The following TTC28 variants were observed in gnomAD, a reference collection of about 807,000 sequenced individuals.
TTC28 encodes the protein tetratricopeptide repeat domain 28, also known as tetratricopeptide repeat protein 28.
A neutral mutation model predicts 198.0 loss-of-function variants in TTC28; 61 were observed. The ratio of observed to expected loss-of-function variants is 0.31; its 90% CI spans 0.25 to 0.38. TTC28 has a LOEUF of 0.38. TTC28 is among the 10% of genes least tolerant of loss of function. The probability of loss-of-function intolerance (pLI) is 1.00; values close to 1 mark genes in which losing one functional copy is unlikely to be tolerated. For missense variants in TTC28, 2,678 were observed against 3,164.0 expected, an observed-to-expected ratio of 0.85 and a Z score of 3.69; for synonymous variants, 1,171 against 1,297.8, an observed-to-expected ratio of 0.90 and a Z score of 2.10.
chr22:28,037,597 A>C (rs1939417771), intron 12 of TTC28, among the ~76,000 whole-genome samples: 1 of 152,234 alleles, frequency 6.6e-6, no homozygotes, highest in Admixed American at 6.5e-5. Context: ...ATTCCCTTTG[A>C]AAACTGGCAC....
chr22:28,494,524 C>T (rs2048424611), intron 2 of TTC28, among the ~76,000 whole-genome samples: 1 of 152,116 alleles, frequency 6.6e-6, no homozygotes, highest in Non-Finnish European at 1.5e-5. Context: ...CAGAAACTGC[C>T]AACTAACCCC....
At chr22:28,036,502 G>A (rs1364397219) in intron 12 of TTC28, among the ~76,000 whole-genome samples, 2 of 152,160 alleles carry the variant, frequency 1.3e-5, no homozygotes, top group East Asian at 3.8e-4. Flanking sequence ...CATAATCTCT[G>A]GGACACATTT....
chr22:28,169,039 A>C (rs1922351516), intron 5 of TTC28, among the ~76,000 whole-genome samples: 1 of 152,250 alleles, frequency 6.6e-6, no homozygotes, highest in Admixed American at 6.5e-5. Context: ...TCTCAAAAGA[A>C]GACATTTATG....
intron 5 of TTC28, among the ~76,000 whole-genome samples, chr22:28,200,279 G>T (rs1226065231): frequency 6.6e-6 from 1 of 151,848 alleles, no homozygotes; most frequent in East Asian, 1.9e-4. Context: ...TTGAAGGAAA[G>T]GACAAAGATT....
chr22:28,662,387 C>T (rs2051762818), intron 1 of TTC28, among the ~76,000 whole-genome samples: 1 of 152,290 alleles, frequency 6.6e-6, no homozygotes. Context: ...CAGAGCCAGG[C>T]TGCTAAATTA....
intron 5 of TTC28, among the ~76,000 whole-genome samples, chr22:28,170,721 G>T (rs2147081097): frequency 6.6e-6 from 1 of 152,188 alleles, no homozygotes; most frequent in Non-Finnish European, 1.5e-5. Flanking sequence ...TCTTATCTTT[G>T]TTCCTTCAAT....
chr22:28,416,472 T>C lies in TTC28; in HGVS notation c.382-109829A>G, dbSNP rs534963541. 3.0e-3 allele frequency among the ~76,000 whole-genome samples: 464 copies of C among 152,266 alleles called. 4 individuals are homozygous for C. Among genetic ancestry groups the C allele is most frequent in the African/African-American group, 0.011 (444 of 41,564 alleles). On this transcript the variant is annotated intron_variant, in intron 2 of 22. Transcript: ENST00000397906. ...CTACCTACTGAATACAATCTCCCCA[T>C]CTCCATCCCTAAAGAACTTTATACT... is the stretch of plus-strand genomic sequence containing the variant.
intron 2 of TTC28, among the ~76,000 whole-genome samples, chr22:28,431,213 A>G (rs901915619): frequency 2.6e-5 from 4 of 152,168 alleles, no homozygotes; most frequent in African/African-American, 7.2e-5. Flanking sequence ...TAGCCTGAGA[A>G]ATGCACTTTA....
intron 2 of TTC28, among the ~76,000 whole-genome samples, chr22:28,387,472 TG>T (rs1329784901): frequency 6.6e-6 from 1 of 152,194 alleles, no homozygotes; most frequent in East Asian, 1.9e-4. Context: ...AGTGTAAAAG[TG>T]TTCCTACTTC....
intron 5 of TTC28, among the ~76,000 whole-genome samples, chr22:28,255,311 T>C (rs1930821082): frequency 1.3e-5 from 2 of 152,174 alleles, no homozygotes; most frequent in African/African-American, 4.8e-5. Flanking sequence ...GCCCTTTGCC[T>C]TCTGGGCACC....
chr22:28,260,375 T>A (rs895429045), intron 5 of TTC28, among the ~76,000 whole-genome samples: 3 of 152,114 alleles, frequency 2.0e-5, no homozygotes, highest in Middle Eastern at 3.2e-3. Context: ...AAGAATGGGA[T>A]TAAAAGTCTT....
intron 2 of TTC28, among the ~76,000 whole-genome samples, chr22:28,362,971 AAACAAC>A (rs199776193): frequency 6.6e-6 from 1 of 152,044 alleles, no homozygotes; most frequent in Non-Finnish European, 1.5e-5. Context: ...AACAAACAAA[AAACAAC>A]AACAACAACA....
intron 19 of TTC28, among the ~76,000 whole-genome samples, chr22:27,991,308 T>C (rs927529748): frequency 6.6e-6 from 1 of 152,218 alleles, no homozygotes; most frequent in African/African-American, 2.4e-5. Flanking sequence ...TGGAGTATAA[T>C]TTTGGCTTTC....
chr22:28,121,307 C>T lies in TTC28; in HGVS notation c.1442-12904G>A, dbSNP rs1408316603. Among the ~76,000 whole-genome samples the T allele has an allele frequency of 4.6e-5, 7 of 152,344 alleles. No homozygotes were observed. The East Asian group carries it at 1.4e-3, about 29-fold the overall frequency. Reference sequence around the variant, plus strand: ...TTTGTTGGTTCACAGTGAACCTCAACCCTACTACATACATCAGGAAGGGTG... The same window carrying T: ...TTTGTTGGTTCACAGTGAACCTCAATCCTACTACATACATCAGGAAGGGTG... On this transcript the variant is annotated intron_variant, in intron 6 of 22. Coordinates refer to ENST00000397906, the MANE Select transcript of TTC28 (RefSeq NM_001145418.2).
intron 15 of TTC28, chr22:28,000,559 C>T (rs1380048469): frequency 1.3e-5 from 2 of 152,464 alleles, no homozygotes; most frequent in Non-Finnish European, 2.9e-5. Context: ...AATGCAGGCC[C>T]TTGTGGTAAA....
chr22:28,436,129 A>T (rs1486900087), intron 2 of TTC28, among the ~76,000 whole-genome samples: 1 of 152,242 alleles, frequency 6.6e-6, no homozygotes, highest in Non-Finnish European at 1.5e-5. Flanking sequence ...CACCCTCGTT[A>T]CTAATGAATA....
At chr22:28,066,146 G>A (rs1417824757) in intron 12 of TTC28, among the ~76,000 whole-genome samples, 2 of 151,808 alleles carry the variant, frequency 1.3e-5, no homozygotes, top group African/African-American at 4.8e-5. Context: ...CCTTACTGAG[G>A]CATAATTAAC....
At chr22:28,403,272 G>A (rs1396493173) in intron 2 of TTC28, among the ~76,000 whole-genome samples, 1 of 152,136 alleles carries the variant, frequency 6.6e-6, no homozygotes, top group Non-Finnish European at 1.5e-5. Flanking sequence ...GCTGACACAT[G>A]GAAAAACGAT....
rs939313952 is a variant in TTC28, at chr22:28,629,643, T to C, written c.290A>G (p.Asn97Ser). Residue 97 changes from asparagine (N) to serine (S), a missense_variant, in exon 2 of 23, where the codon AAT becomes AGT. Physicochemically the swap from Asn to Ser is conservative, Grantham distance 46. Coordinates refer to ENST00000397906, the MANE Select transcript of TTC28 (RefSeq NM_001145418.2). The part of the protein sequence containing the change: ...VDPQNCILYS[N>S]RSAAYMKIQQ... ...GATTTTCATGTAGGCTGCAGATCTA[T>C]TGCTGTATAAGATGCAGTTCTGAGG... is the stretch of plus-strand genomic sequence containing the variant. The C allele has an allele frequency of 3.9e-6, 6 of 1,551,608 alleles. No individual in the cohort carries two copies. The African/African-American group carries it at 5.5e-5, about 14-fold the overall frequency.
Sources: gnomAD v4.1 joint callset for allele counts (sites outside exome capture counted in the v4.1 genomes callset) on GRCh38, gnomAD v4.1.1 for gene constraint, MANE v1.5 for transcripts, NCBI Gene and HGNC (gene_info 2026-07-23, HGNC 2026-07-21) for gene names.